ALDH1A3: variants seen among roughly 807,000 people sequenced by gnomAD.
ALDH1A3 encodes the protein aldehyde dehydrogenase 1 family member A3, also known as retinaldehyde dehydrogenase 3.
Under a neutral mutation model 57.5 loss-of-function variants are expected in ALDH1A3, and 28 were observed. That is an observed-to-expected ratio of 0.49 (90% CI 0.36 to 0.67). The LOEUF (loss-of-function observed/expected upper bound fraction) is 0.67, where lower values mean the gene tolerates loss of function less well. Among genes scored for constraint, ALDH1A3 ranks in the 30% least tolerant of loss-of-function variants. The probability of loss-of-function intolerance (pLI) is 0.00; values close to 1 mark genes in which losing one functional copy is unlikely to be tolerated. For synonymous variants in ALDH1A3, 281 were observed against 264.8 expected, an observed-to-expected ratio of 1.06 and a Z score of -0.59; for missense variants, 507 against 669.4, an observed-to-expected ratio of 0.76 and a Z score of 2.68.
chr15:100,897,174 T>C lies in ALDH1A3; in HGVS notation c.781-909T>C, dbSNP rs190910706. Among the ~76,000 whole-genome samples the C allele has an allele frequency of 7.2e-5, 11 of 152,348 alleles. No homozygotes were observed. The East Asian group carries it at 2.1e-3, about 29-fold the overall frequency. On this transcript the variant is annotated intron_variant, in intron 7 of 12. Coordinates refer to ENST00000329841, the MANE Select transcript of ALDH1A3 (RefSeq NM_000693.4). ...TTGGAGACAGACACTGCCCTGTGGA[T>C]GGATTCCAGACCTCATTCAGCCATC...
chr15:100,906,306 A>C lies in ALDH1A3; in HGVS notation c.1233+619A>C, dbSNP rs12903828. Among the ~76,000 whole-genome samples the C allele has an allele frequency of 0.029, 4,373 of 152,252 alleles. 93 individuals carry two copies. The highest frequency in any genetic ancestry group is 0.044 in the Non-Finnish European group (2,972 of 68,012). ...GTTCCCACACAGCATTTGTAAGAGG[A>C]GAGCTGGATCCCAGGAGGTTAGACC... On this transcript the variant is annotated intron_variant, in intron 10 of 12. Coordinates refer to ENST00000329841, the MANE Select transcript of ALDH1A3 (RefSeq NM_000693.4). This position sits in a 1 kb window ranked among gnomAD's most constrained non-coding sequence, Gnocchi z 4.8.
Position 100,907,106 on chromosome 15 carries a change from T to C in ALDH1A3, c.1234-15T>C. On this transcript the variant is annotated splice_polypyrimidine_tract_variant and intron_variant, in intron 10 of 12. Coordinates refer to ENST00000329841, the MANE Select transcript of ALDH1A3 (RefSeq NM_000693.4). ...CAGTCATGCCTCTCATTGCCATTCTTGCAATTAATCATAGATTTTCGGGCC... is the reference window on the plus strand; with the variant it reads ...CAGTCATGCCTCTCATTGCCATTCTCGCAATTAATCATAGATTTTCGGGCC... The C allele has an allele frequency of 6.2e-7, 1 of 1,610,260 alleles. No homozygotes were observed. The highest frequency in any genetic ancestry group is 8.5e-7 in the Non-Finnish European group (1 of 1,177,476).
Position 100,879,882 on chromosome 15 carries a change from C to T in ALDH1A3, c.-26C>T. On this transcript the variant is annotated 5_prime_UTR_variant, in exon 1 of 13. Coordinates refer to ENST00000329841, the MANE Select transcript of ALDH1A3 (RefSeq NM_000693.4). The stretch of plus-strand genomic sequence containing the variant: ...GCCGGTGCGCCGCAGACTAGGGCGC[C>T]TCGGGCCAGGGAGCGCGGAGGAGCC... The T allele has an allele frequency of 7.3e-7, 1 of 1,369,162 alleles. No homozygotes were observed. The highest frequency in any genetic ancestry group is 9.5e-7 in the Non-Finnish European group (1 of 1,056,120). The allele number at this position is 1,369,162 out of a possible 1,614,324, so 84.8% of individuals were successfully genotyped here.
intron 8 of ALDH1A3, among the ~76,000 whole-genome samples, chr15:100,899,694 G>A (rs1419560944): frequency 6.6e-6 from 1 of 152,168 alleles, no homozygotes; most frequent in African/African-American, 2.4e-5. Context: ...CAGGGGTCAA[G>A]GGTGCAGAGA....
rs535500428 is a variant in ALDH1A3 at position 100,912,427 on chromosome 15, A to G, written c.1467-2274A>G. Among the ~76,000 whole-genome samples, 39 of 152,248 alleles carry G rather than the reference A, an allele frequency of 2.6e-4. No individual in the cohort carries two copies. The South Asian group carries it at 3.1e-3, about 12-fold the overall frequency. On this transcript the variant is annotated intron_variant, in intron 12 of 12. Transcript: ENST00000329841. ...GTTGGTTTGCAAGAGCTCTTTGTAT[A>G]TTAAGGAAAATCACACTCTGATTTT... is the stretch of plus-strand genomic sequence containing the variant.
Position 100,893,790 on chromosome 15 carries a change from C to T in ALDH1A3, c.538-164C>T, listed in dbSNP as rs1390486521. 2.3e-6 allele frequency: 2 copies of T among 867,420 alleles called. No homozygotes were observed. Among genetic ancestry groups the T allele is most frequent in the African/African-American group, 3.4e-5 (2 of 59,546 alleles). 53.7% of individuals were successfully genotyped at this position (867,420 alleles called of 1,614,324 possible). On this transcript the variant is annotated intron_variant, in intron 5 of 12. Transcript: ENST00000329841. This position sits in a 1 kb window ranked among gnomAD's most constrained non-coding sequence, Gnocchi z 4.8. The stretch of plus-strand genomic sequence containing the variant: ...CACCCAGAATGCAGTTTAGGAAGTG[C>T]TGTGCAGGATTGCAGTTCTGATCAT...
chr15:100,880,045 C>G, intron 1 of ALDH1A3, 39 bp downstream of exon 1: 1 of 1,397,728 alleles, frequency 7.2e-7, no homozygotes, highest in Non-Finnish European at 9.4e-7. Flanking sequence ...GCCGCGGGCC[C>G]CTGCGCTGGG....
chr15:100,892,604 G>A lies in ALDH1A3; in HGVS notation c.440G>A (p.Trp147Ter), dbSNP rs1262377795. The A allele has an allele frequency of 1.9e-6, 3 of 1,612,582 alleles. No homozygotes were observed. Among genetic ancestry groups the A allele is most frequent in the Non-Finnish European group, 2.5e-6 (3 of 1,179,620 alleles). Residue 147 changes from tryptophan to a stop codon, truncating the protein, a stop_gained, in exon 4 of 13, where the codon TGG becomes TAG. Transcript: ENST00000329841. LOFTEE classifies it high-confidence loss of function. ...AGAACCCTCAGATACTTTGCAGGGT[G>A]GGCAGACAAAATCCAGGGCAAGACC... ...CIRTLRYFAG[W>*]ADKIQGKTIP... is the part of the protein sequence containing the mutation.
rs1318354507 is a variant in ALDH1A3, at chr15:100,915,466, G to C, written c.*693G>C. 1 of 152,202 alleles carries C rather than the reference G, an allele frequency of 6.6e-6. No homozygotes were observed. The highest frequency in any genetic ancestry group is 1.5e-5 in the Non-Finnish European group (1 of 68,050). 9.4% of individuals were successfully genotyped at this position (152,202 alleles called of 1,614,324 possible). ...TATGACAGAATCAATAGCCCAGAGA[G>C]CTTAGTCAAAGACGATATCACGGTC... On this transcript the variant is annotated 3_prime_UTR_variant, in exon 13 of 13. Coordinates refer to ENST00000329841, the MANE Select transcript of ALDH1A3 (RefSeq NM_000693.4).
intron 12 of ALDH1A3, 84 bp downstream of exon 12, chr15:100,908,566 T>C: frequency 7.9e-7 from 1 of 1,270,340 alleles, no homozygotes; most frequent in Non-Finnish European, 1.1e-6. Flanking sequence ...GGCTCCAATC[T>C]GCTGACACCC....
In ALDH1A3 at chr15:100,893,869, T is replaced by C; in HGVS notation, c.538-85T>C. 6.5e-7 allele frequency: 1 copy of C among 1,528,198 alleles called. No individual in the cohort carries two copies. The highest frequency in any genetic ancestry group is 8.8e-7 in the Non-Finnish European group (1 of 1,138,454). 94.7% of individuals were successfully genotyped at this position (1,528,198 alleles called of 1,614,324 possible). A position where few individuals can be genotyped will look rare whatever the true frequency, so the allele number is the denominator to read the frequency against. ...CCAAATCCAGACCATGAAAAGCAAG[T>C]GTCCTCCACAAAGGCATCGTTGAGC... On this transcript the variant is annotated intron_variant, in intron 5 of 12. Transcript: ENST00000329841. The surrounding 1 kb of genome is among the most constrained non-coding windows in gnomAD (Gnocchi z 4.8).
intron 9 of ALDH1A3, among the ~76,000 whole-genome samples, 193 bp from the exon 10 acceptor site, chr15:100,905,330 C>A (rs1248725687): frequency 6.6e-6 from 1 of 152,196 alleles, no homozygotes; most frequent in Non-Finnish European, 1.5e-5. Flanking sequence ...CCCATCTCTC[C>A]CCTGCTCCAA....
chr15:100,882,506 A>G (rs1271299625), intron 1 of ALDH1A3, among the ~76,000 whole-genome samples: 3 of 152,224 alleles, frequency 2.0e-5, no homozygotes, highest in Admixed American at 6.5e-5. Flanking sequence ...CTTTTCTGAA[A>G]ACATATTCTT....
chr15:100,903,432 A>C (rs1326025132), intron 9 of ALDH1A3, among the ~76,000 whole-genome samples: 2 of 152,192 alleles, frequency 1.3e-5, no homozygotes, highest in African/African-American at 4.8e-5. Flanking sequence ...GGATGAAGCC[A>C]CCAGAATTTC....
At chr15:100,903,375 C>T (rs2041790297) in intron 9 of ALDH1A3, among the ~76,000 whole-genome samples, 1 of 152,160 alleles carries the variant, frequency 6.6e-6, no homozygotes, top group South Asian at 2.1e-4. Context: ...TATACCAGTC[C>T]ATGGGAACCT....
In ALDH1A3 at chr15:100,912,121, T is replaced by A. The variant is rs542644555; in HGVS notation, c.1467-2580T>A. The stretch of plus-strand genomic sequence containing the variant: ...TGATCTCCCATGAGGAACTTTTGTG[T>A]ATTTCCAAGGGGTTCTGCTATTACA... On this transcript the variant is annotated intron_variant, in intron 12 of 12. Transcript: ENST00000329841. Among the ~76,000 whole-genome samples the A allele has an allele frequency of 3.3e-5, 5 of 152,376 alleles. No individual in the cohort carries two copies. In the East Asian group the frequency reaches 9.6e-4, roughly 29 times the overall value.
rs547918064 is a variant in ALDH1A3 at position 100,898,147 on chromosome 15, G to C, written c.845G>C (p.Gly282Ala). ...CTGAAGCGGGTGACGCTGGAGCTGG[G>C]GGGGAAGAACCCCTGCATCGTGTGT... ...SNLKRVTLEL[G>A]GKNPCIVCAD... The change falls in exon 8 of 13, where the codon GGG becomes GCG. Residue 282 changes from glycine (G) to alanine (A), a missense_variant. Gly to Ala is a moderately conservative substitution (Grantham distance 60). Coordinates refer to ENST00000329841, the MANE Select transcript of ALDH1A3 (RefSeq NM_000693.4). 30 of 1,614,194 alleles carry C rather than the reference G, an allele frequency of 1.9e-5. No individual in the cohort carries two copies. Among genetic ancestry groups the C allele is most frequent in the Non-Finnish European group, 2.1e-5 (25 of 1,180,024 alleles).
At position 100,894,247 on chromosome 15, in the gene ALDH1A3, T is replaced by C; in HGVS notation, c.666+165T>C. On this transcript the variant is annotated intron_variant, in intron 6 of 12. Coordinates refer to ENST00000329841, the MANE Select transcript of ALDH1A3 (RefSeq NM_000693.4). This position sits in a 1 kb window ranked among gnomAD's most constrained non-coding sequence, Gnocchi z 4.5. Reference sequence around the variant, plus strand: ...GCGACTGCACGTTCTTTCTCCTGCTTGTGGCCACTGAGCTGGAGAAACTCC... The same window carrying C: ...GCGACTGCACGTTCTTTCTCCTGCTCGTGGCCACTGAGCTGGAGAAACTCC... 1 of 806,814 alleles carries C rather than the reference T, an allele frequency of 1.2e-6. No homozygotes were observed. The highest frequency in any genetic ancestry group is 1.9e-6 in the Non-Finnish European group (1 of 523,332). 50.0% of individuals were successfully genotyped at this position (806,814 alleles called of 1,614,324 possible).
chr15:100,907,017 G>A (rs2041829092), intron 10 of ALDH1A3, 104 bp from the exon 11 acceptor site: 5 of 1,328,638 alleles, frequency 3.8e-6, no homozygotes, highest in Non-Finnish European at 5.2e-6. Flanking sequence ...GCATGTGTGT[G>A]CTCTGGGCAT....
Sources: allele counts gnomAD v4.1 joint callset (sites outside exome capture counted in the v4.1 genomes callset), GRCh38; gene constraint gnomAD v4.1.1; non-coding constraint Gnocchi (gnomAD v3.1); transcripts MANE v1.5; gene names NCBI Gene and HGNC (gene_info 2026-07-23, HGNC 2026-07-21).